Variants in CSGALNACT1 observed in about 807,000 individuals in gnomAD.
The protein encoded by CSGALNACT1 is chondroitin sulfate N-acetylgalactosaminyltransferase 1.
CSGALNACT1 carries 52 observed loss-of-function variants against 51.0 expected under a neutral mutation model. The observed-to-expected ratio is 1.02, with a 90% CI of 0.82 to 1.29. The LOEUF is 1.29. Among genes scored for constraint, CSGALNACT1 ranks in the 50% most tolerant of loss-of-function variants. The probability of loss-of-function intolerance (pLI) is 0.00; values close to 1 mark genes in which losing one functional copy is unlikely to be tolerated. For synonymous variants in CSGALNACT1, 341 were observed against 254.4 expected (o/e 1.34, Z -3.24); for missense variants, 935 against 679.2 (o/e 1.38, Z -4.19).
intron 1 of CSGALNACT1, among the ~76,000 whole-genome samples, chr8:19,645,988 A>G (rs891580912): frequency 6.6e-6 from 1 of 152,232 alleles, no homozygotes; most frequent in Non-Finnish European, 1.5e-5. Context: ...AGGGAAAAGC[A>G]TGTTATAGAA....
chr8:19,571,879 T>A (rs951157503), intron 3 of CSGALNACT1, among the ~76,000 whole-genome samples: 6 of 152,242 alleles, frequency 3.9e-5, no homozygotes, highest in African/African-American at 1.4e-4. Context: ...AAGAAGTTAC[T>A]GTAAGTTTTC....
chr8:19,669,225 A>G (rs919478157), intron 1 of CSGALNACT1, among the ~76,000 whole-genome samples: 1 of 152,244 alleles, frequency 6.6e-6, no homozygotes, highest in Non-Finnish European at 1.5e-5. Flanking sequence ...TGCAAGCACT[A>G]GTCTAACCCA....
chr8:19,447,077 C>T (rs925874261), intron 5 of CSGALNACT1, among the ~76,000 whole-genome samples: 8 of 152,180 alleles, frequency 5.3e-5, no homozygotes, highest in African/African-American at 1.2e-4. Flanking sequence ...TGAATCTGCA[C>T]GCCTGCCCTG....
rs1564383214 is a variant in CSGALNACT1, at chr8:19,666,809, A to AAGAAAGAAAG, written c.-544+15663_-544+15664insCTTTCTTTCT. 8.9e-3 allele frequency among the ~76,000 whole-genome samples: 224 copies of AAGAAAGAAAG among 25,074 alleles called. 8 individuals are homozygous for AAGAAAGAAAG. Among genetic ancestry groups the AAGAAAGAAAG allele is most frequent in the East Asian group, 0.022 (23 of 1,054 alleles). 16.4% of individuals were successfully genotyped at this position (25,074 alleles called of 152,430 possible). On this transcript the variant is annotated intron_variant, in intron 1 of 9. Transcript: ENST00000332246. ...AAAGAAAGAAAGAAAGAAAGAAAGA[A>AAGAAAGAAAG]AGAGAGAGAGAGAGAGAGAGAGAGA...
chr8:19,683,085 TGTGC>T, upstream of CSGALNACT1: 1 of 234,572 alleles, frequency 4.3e-6, no homozygotes, highest in Non-Finnish European at 8.7e-6. Context: ...TAGGCAACTG[TGTGC>T]GATCACAGGA....
At chr8:19,748,297 A>G (rs1236381695) in intron 1 of CSGALNACT1, among the ~76,000 whole-genome samples, 1 of 152,216 alleles carries the variant, frequency 6.6e-6, no homozygotes, top group Admixed American at 6.5e-5. Flanking sequence ...TAGAACTTCA[A>G]AGATATCAAG....
intron 3 of CSGALNACT1, among the ~76,000 whole-genome samples, chr8:19,571,278 A>G (rs115270596): frequency 1.3e-5 from 2 of 152,256 alleles, no homozygotes; most frequent in African/African-American, 4.8e-5. Flanking sequence ...CGTATCCGAT[A>G]TAACTAAGAC....
intron 5 of CSGALNACT1, among the ~76,000 whole-genome samples, chr8:19,441,782 A>T (rs2061366022): frequency 6.6e-6 from 1 of 152,046 alleles, no homozygotes; most frequent in African/African-American, 2.4e-5. Flanking sequence ...GTGAACAGGC[A>T]ACCTACAGAA....
intron 1 of CSGALNACT1, among the ~76,000 whole-genome samples, chr8:19,711,128 A>T (rs892658149): frequency 2.6e-5 from 4 of 152,136 alleles, no homozygotes; most frequent in African/African-American, 9.7e-5. Flanking sequence ...ATAGCTTTAG[A>T]TTTTTATATG....
At chr8:19,561,185 C>T (rs1779040821) in intron 3 of CSGALNACT1, among the ~76,000 whole-genome samples, 1 of 152,006 alleles carries the variant, frequency 6.6e-6, no homozygotes. Flanking sequence ...GGAGTGTGAT[C>T]AGGAAGGGAC....
At chr8:19,645,674 G>C (rs376761295) in intron 1 of CSGALNACT1, among the ~76,000 whole-genome samples, 2 of 152,226 alleles carry the variant, frequency 1.3e-5, no homozygotes, top group East Asian at 1.9e-4. Context: ...CTGGACTCCT[G>C]GGTCACTGAT....
At chr8:19,724,888 C>G (rs1308447839) in intron 1 of CSGALNACT1, among the ~76,000 whole-genome samples, 1 of 152,286 alleles carries the variant, frequency 6.6e-6, no homozygotes, top group Admixed American at 6.5e-5. Context: ...TTGGTGGCCC[C>G]GCATTCTCTT....
chr8:19,701,153 G>GTTTTTT lies in CSGALNACT1; in HGVS notation c.-297+56691_-297+56696dup, dbSNP rs767074945. The stretch of plus-strand genomic sequence containing the variant: ...GAAAATTTCAGTTCATCTATTATCC[G>GTTTTTT]TTTTTTTTTTTTTTTTTTTTGATAC... On this transcript the variant is annotated intron_variant, in intron 1 of 1. Coordinates refer to the CSGALNACT1 transcript ENST00000517494. Among the ~76,000 whole-genome samples, 36 of 93,276 alleles carry GTTTTTT rather than the reference G, an allele frequency of 3.9e-4. 7 individuals carry two copies. The highest frequency in any genetic ancestry group is 6.2e-4 in the African/African-American group (15 of 24,328). 61.2% of individuals were successfully genotyped at this position (93,276 alleles called of 152,430 possible).
chr8:19,557,259 G>T (rs2039675205), intron 3 of CSGALNACT1, among the ~76,000 whole-genome samples: 1 of 152,118 alleles, frequency 6.6e-6, no homozygotes, highest in Non-Finnish European at 1.5e-5. Flanking sequence ...TAATTCCCTT[G>T]TCCTTGATCT....
chr8:19,577,188 C>A (rs1378063957), intron 3 of CSGALNACT1, among the ~76,000 whole-genome samples: 2 of 152,132 alleles, frequency 1.3e-5, no homozygotes, highest in African/African-American at 4.8e-5. Context: ...GAGAGTTGTG[C>A]TTGGCCTTGG....
chr8:19,532,171 T>TAAA lies in CSGALNACT1; in HGVS notation c.-296-26044_-296-26042dup, dbSNP rs113232417. Among the ~76,000 whole-genome samples, 456 of 147,884 alleles carry TAAA rather than the reference T, an allele frequency of 3.1e-3. 3 individuals carry two copies. Among genetic ancestry groups the TAAA allele is most frequent in the Admixed American group, 0.017 (255 of 14,828 alleles). ...CTCAACAAGTTTAGCTTTTGGAAAT[T>TAAA]AAAAAAAAAAAACATGTTTGTTTGC... is the stretch of plus-strand genomic sequence containing the variant. On this transcript the variant is annotated intron_variant, in intron 3 of 9. Transcript: ENST00000454498.
chr8:19,428,863 G>A (rs1165818110), intron 6 of CSGALNACT1, among the ~76,000 whole-genome samples: 1 of 147,676 alleles, frequency 6.8e-6, no homozygotes, highest in Non-Finnish European at 1.5e-5. Context: ...GTGTGTGTGT[G>A]TGTGTGTGTG....
At chr8:19,548,980 T>C (rs115342360) in intron 3 of CSGALNACT1, among the ~76,000 whole-genome samples, 19 of 151,908 alleles carry the variant, frequency 1.3e-4, no homozygotes, top group Non-Finnish European at 2.6e-4. Context: ...CACCATGCCT[T>C]ATACTCTTTG....
chr8:19,585,690 A>T (rs1224877816), intron 3 of CSGALNACT1, among the ~76,000 whole-genome samples: 3 of 152,132 alleles, frequency 2.0e-5, no homozygotes, highest in Non-Finnish European at 4.4e-5. Context: ...TGAGGAATGG[A>T]GATTCTAGAA....
Sources: gnomAD v4.1 joint callset for allele counts (sites outside exome capture counted in the v4.1 genomes callset) on GRCh38, gnomAD v4.1.1 for gene constraint, MANE v1.5 for transcripts, NCBI Gene and HGNC (gene_info 2026-07-23, HGNC 2026-07-21) for gene names.